EYS: variants seen among roughly 807,000 people sequenced by gnomAD.
EYS encodes the protein EGF-like photoreceptor maintenance factor, also known as protein eyes shut homolog.
EYS carries 250 observed loss-of-function variants against 282.1 expected under a neutral mutation model. The ratio of observed to expected loss-of-function variants is 0.89; its 90% CI spans 0.80 to 0.98. The LOEUF (loss-of-function observed/expected upper bound fraction) is 0.98. Ranked by LOEUF, EYS falls within the 50% of genes least tolerant of loss-of-function variation. The pLI is 0.00. For missense variants in EYS, 4,016 were observed against 3,709.0 expected (o/e 1.08, Z -2.15); for synonymous variants, 1,355 against 1,282.9 (o/e 1.06, Z -1.20).
intron 31 of EYS, among the ~76,000 whole-genome samples, chr6:64,088,407 T>C (rs113625408): frequency 0.013 from 1,984 of 152,136 alleles, 42 homozygotes; most frequent in African/African-American, 0.045. Flanking sequence ...TCTGCAATGT[T>C]TGAATGTCTT....
chr6:65,254,552 A>G (rs1275444653), intron 12 of EYS, among the ~76,000 whole-genome samples: 1 of 151,874 alleles, frequency 6.6e-6, no homozygotes. Flanking sequence ...ACAGAACTGC[A>G]AATGTTAGAT....
intron 35 of EYS, among the ~76,000 whole-genome samples, chr6:63,912,237 A>T (rs931522899): frequency 6.6e-6 from 1 of 152,094 alleles, no homozygotes; most frequent in Admixed American, 6.5e-5. Context: ...AAGTCTCTCC[A>T]TGTTGCTAGG....
Position 65,560,672 on chromosome 6 carries a change from C to G in EYS, c.-332-64679G>C, listed in dbSNP as rs1013019897. On this transcript the variant is annotated intron_variant, in intron 2 of 42. Transcript: ENST00000503581. ...ACATATTTTATTCTTTCTGAAGAATCTAAAAGCACACAACTTTTAAGTTAA... is the reference window on the plus strand; with the variant it reads ...ACATATTTTATTCTTTCTGAAGAATGTAAAAGCACACAACTTTTAAGTTAA... 2.0e-5 allele frequency among the ~76,000 whole-genome samples: 3 copies of G among 151,436 alleles called. No homozygotes were observed. In the Admixed American group the frequency reaches 2.0e-4, roughly 10 times the overall value.
intron 22 of EYS, among the ~76,000 whole-genome samples, chr6:64,716,505 C>T (rs1171630620): frequency 2.6e-5 from 4 of 152,168 alleles, no homozygotes; most frequent in African/African-American, 9.7e-5. Context: ...ACAATTGTGC[C>T]TTAATATCCT....
In EYS at chr6:65,309,161, C is replaced by T. The variant is rs567355555; in HGVS notation, c.1767-13042G>A. On this transcript the variant is annotated intron_variant, in intron 11 of 42. Transcript: ENST00000503581. The stretch of plus-strand genomic sequence containing the variant: ...TGAGATAGCTGATGAGATATTCTTT[C>T]GTCAGATTTCCTCAAATAAATAAAG... Among the ~76,000 whole-genome samples the T allele has an allele frequency of 5.3e-5, 8 of 152,208 alleles. No individual in the cohort carries two copies. In the East Asian group the frequency reaches 5.8e-4, roughly 11 times the overall value.
At chr6:64,119,291 A>T (rs1431989756) in intron 31 of EYS, among the ~76,000 whole-genome samples, 3 of 152,162 alleles carry the variant, frequency 2.0e-5, no homozygotes, top group Non-Finnish European at 4.4e-5. Context: ...TAAAATAATT[A>T]GTTTAACCAG....
intron 35 of EYS, among the ~76,000 whole-genome samples, chr6:63,915,576 A>C (rs375830621): frequency 5.3e-5 from 8 of 152,198 alleles, no homozygotes; most frequent in South Asian, 2.1e-4. Context: ...AGCTGCCATA[A>C]ATAGTGATTC....
chr6:64,940,837 G>A (rs1031752420), intron 15 of EYS, among the ~76,000 whole-genome samples: 3 of 152,136 alleles, frequency 2.0e-5, no homozygotes, highest in Non-Finnish European at 2.9e-5. Context: ...AGAAACATTT[G>A]TGAAAAGTTT....
chr6:64,285,039 T>A (rs185096299), intron 30 of EYS, among the ~76,000 whole-genome samples: 273 of 152,354 alleles, frequency 1.8e-3, no homozygotes, highest in African/African-American at 6.4e-3. Context: ...TTGTCACTTA[T>A]GCAAATACCT....
At chr6:63,971,098 C>A (rs1337444618) in intron 35 of EYS, among the ~76,000 whole-genome samples, 1 of 152,116 alleles carries the variant, frequency 6.6e-6, no homozygotes, top group Admixed American at 6.6e-5. Flanking sequence ...TTCTACTGGA[C>A]AAAAATCTAC....
chr6:65,528,909 C>T (rs1015242230), intron 2 of EYS, among the ~76,000 whole-genome samples: 1 of 152,084 alleles, frequency 6.6e-6, no homozygotes, highest in African/African-American at 2.4e-5. Flanking sequence ...TCTTGGCAAG[C>T]TCTGAGACAA....
rs549236604 is a variant in EYS at position 64,768,988 on chromosome 6, C to T, written c.3443+44390G>A. On this transcript the variant is annotated intron_variant, in intron 22 of 42. Transcript: ENST00000503581. ...GAATGGAGCTAGATCCTGTTGCTTC[C>T]TTGAGTCACCTTGTGGCTTGTTTGC... is the stretch of plus-strand genomic sequence containing the variant. Among the ~76,000 whole-genome samples, 129 of 152,168 alleles carry T rather than the reference C, an allele frequency of 8.5e-4. 1 individual carries two copies. Among genetic ancestry groups the T allele is most frequent in the African/African-American group, 3.0e-3 (123 of 41,548 alleles).
intron 23 of EYS, among the ~76,000 whole-genome samples, chr6:64,623,087 T>A (rs955327486): frequency 6.6e-6 from 1 of 152,156 alleles, no homozygotes; most frequent in Non-Finnish European, 1.5e-5. Flanking sequence ...TGAACCACAC[T>A]GATTGATTTT....
At chr6:65,149,071 C>T (rs531648525) in intron 12 of EYS, among the ~76,000 whole-genome samples, 4 of 152,196 alleles carry the variant, frequency 2.6e-5, no homozygotes, top group African/African-American at 4.8e-5. Flanking sequence ...AGGTCTCTTA[C>T]GTGCCCTGGA....
At chr6:65,443,854 G>A (rs1582303654) in intron 5 of EYS, among the ~76,000 whole-genome samples, 1 of 151,612 alleles carries the variant, frequency 6.6e-6, no homozygotes, top group Non-Finnish European at 1.5e-5. Context: ...TCAAATATAA[G>A]TCTAAATTAA....
chr6:64,375,025 C>A (rs770253924), intron 29 of EYS, among the ~76,000 whole-genome samples: 4 of 152,156 alleles, frequency 2.6e-5, no homozygotes, highest in African/African-American at 9.7e-5. Flanking sequence ...TAAGTTATAT[C>A]TGTTATTTTT....
At chr6:64,834,911 T>C (rs192639601) in intron 19 of EYS, among the ~76,000 whole-genome samples, 20 of 151,862 alleles carry the variant, frequency 1.3e-4, no homozygotes, top group African/African-American at 4.8e-4. Context: ...TAACTGATGG[T>C]TGTACTATTG....
At chr6:64,977,491 G>A (rs570363844) in intron 14 of EYS, among the ~76,000 whole-genome samples, 17 of 151,768 alleles carry the variant, frequency 1.1e-4, no homozygotes, top group African/African-American at 3.9e-4. Flanking sequence ...ATTAAAATGA[G>A]GCCAATTAAT....
At chr6:65,455,672 A>G (rs1458900444) in intron 5 of EYS, among the ~76,000 whole-genome samples, 1 of 152,148 alleles carries the variant, frequency 6.6e-6, no homozygotes. Context: ...ATGTTTCTGG[A>G]TACGTACACT....
Sources: gnomAD v4.1 joint callset for allele counts (sites outside exome capture counted in the v4.1 genomes callset) on GRCh38, gnomAD v4.1.1 for gene constraint, MANE v1.5 for transcripts, NCBI Gene and HGNC (gene_info 2026-07-23, HGNC 2026-07-21) for gene names.